Variants in RABEP1 observed in about 807,000 individuals in gnomAD.
RABEP1 encodes rabaptin, RAB GTPase binding effector protein 1, also known as rab GTPase-binding effector protein 1.
RABEP1 carries 51 observed loss-of-function variants against 123.4 expected under a neutral mutation model. The observed-to-expected ratio is 0.41, with a 90% confidence interval of 0.33 to 0.52. RABEP1 has a LOEUF of 0.52. Ranked by LOEUF, RABEP1 falls within the 20% of genes least tolerant of loss-of-function variation. RABEP1 has a pLI of 0.16. For missense variants in RABEP1, 888 were observed against 996.3 expected (o/e 0.89, Z 1.46); for synonymous variants, 347 against 355.2 (o/e 0.98, Z 0.26).
At chr17:5,292,633 C>T (rs1327855527) in intron 1 of RABEP1, among the ~76,000 whole-genome samples, 3 of 152,166 alleles carry the variant, frequency 2.0e-5, no homozygotes, top group Non-Finnish European at 4.4e-5. Context: ...ATCCACCCAC[C>T]TTGGCCTCCC....
intron 17 of RABEP1, among the ~76,000 whole-genome samples, chr17:5,382,248 A>AT (rs1428095187): frequency 1.3e-5 from 2 of 151,164 alleles, no homozygotes; most frequent in Non-Finnish European, 2.9e-5. Context: ...AGCCCAGCTA[A>AT]TTTTTGTATT....
intron 8 of RABEP1, among the ~76,000 whole-genome samples, chr17:5,357,186 T>G (rs566685076): frequency 1.3e-5 from 2 of 152,112 alleles, no homozygotes; most frequent in Admixed American, 6.5e-5. Flanking sequence ...CTATTTGCAC[T>G]TTTAAAACAT....
intron 11 of RABEP1, among the ~76,000 whole-genome samples, chr17:5,366,707 A>C (rs1684758705): frequency 6.6e-6 from 1 of 151,762 alleles, no homozygotes; most frequent in South Asian, 2.1e-4. Flanking sequence ...CGGCCTCCCA[A>C]AGTGCTAGGT....
intron 2 of RABEP1, among the ~76,000 whole-genome samples, chr17:5,313,785 A>T (rs969546450): frequency 2.0e-5 from 3 of 152,230 alleles, no homozygotes; most frequent in Admixed American, 2.0e-4. Context: ...TTCAAAAAAA[A>T]TACTGTGATC....
chr17:5,327,718 C>A (rs79618419), intron 2 of RABEP1, among the ~76,000 whole-genome samples: 1 of 152,170 alleles, frequency 6.6e-6, no homozygotes, highest in East Asian at 1.9e-4. Flanking sequence ...TGATCATTAC[C>A]TTTTTGTTAA....
At chr17:5,350,373 C>G in intron 6 of RABEP1, 78 bp from the exon 7 acceptor site, 5 of 1,475,726 alleles carry the variant, frequency 3.4e-6, no homozygotes, top group Non-Finnish European at 4.6e-6. Flanking sequence ...GAGCGAGACT[C>G]CATCTCAAAA....
intron 11 of RABEP1, among the ~76,000 whole-genome samples, chr17:5,367,945 T>C (rs1199300998): frequency 1.3e-5 from 2 of 150,722 alleles, no homozygotes; most frequent in African/African-American, 2.4e-5. Flanking sequence ...TTAGTAGAGA[T>C]GGGGTTTTAC....
Position 5,381,453 on chromosome 17 carries a change from A to G in RABEP1, c.2435A>G (p.Asp812Gly). Reference protein sequence around the residue: ...NKAQRLQTELDVSEQVQRDFV... With the variant: ...NKAQRLQTELGVSEQVQRDFV... ...GCTCAGAGATTACAGACAGAATTAG[A>G]TGTCAGTGAGCAAGTCCAGAGGGAT... Residue 812 changes from aspartate (D) to glycine (G), a missense_variant, in exon 17 of 18, where the codon GAT becomes GGT. Physicochemically the swap from Asp to Gly is moderately conservative, Grantham distance 94 (BLOSUM62 -1). Coordinates refer to ENST00000537505, the MANE Select transcript of RABEP1 (RefSeq NM_004703.6). The G allele has an allele frequency of 1.9e-6, 3 of 1,613,716 alleles. No individual in the cohort carries two copies. Among genetic ancestry groups the G allele is most frequent in the Non-Finnish European group, 2.5e-6 (3 of 1,179,760 alleles).
intron 2 of RABEP1, among the ~76,000 whole-genome samples, chr17:5,316,256 G>C (rs1397842321): frequency 6.6e-6 from 1 of 151,892 alleles, no homozygotes; most frequent in Non-Finnish European, 1.5e-5. Flanking sequence ...TTTGAGAACA[G>C]CCTGGGAAAC....
At chr17:5,372,502 T>A (rs1910601106) in intron 12 of RABEP1, among the ~76,000 whole-genome samples, 1 of 152,222 alleles carries the variant, frequency 6.6e-6, no homozygotes, top group Non-Finnish European at 1.5e-5. Context: ...TGAGCTTAGA[T>A]GCTCTTGATG....
At chr17:5,339,072 A>T (rs1326551601) in intron 5 of RABEP1, among the ~76,000 whole-genome samples, 1 of 152,100 alleles carries the variant, frequency 6.6e-6, no homozygotes, top group African/African-American at 2.4e-5. Context: ...TGGGAGGATT[A>T]CTTCAGCCCG....
At chr17:5,284,658 G>A (rs948610708) in intron 1 of RABEP1, among the ~76,000 whole-genome samples, 1 of 151,936 alleles carries the variant, frequency 6.6e-6, no homozygotes, top group Non-Finnish European at 1.5e-5. Context: ...TAGATACGGC[G>A]TTTTGCCATG....
chr17:5,338,139 G>T lies in RABEP1; in HGVS notation c.648+1G>T. ...AATTAAAGAGCTGGAGGCCTCAAAG[G>T]TTATGAAACATTGTAATCCATTTGC... On this transcript the variant is annotated splice_donor_variant, in intron 5 of 17. Transcript: ENST00000537505. LOFTEE classifies it high-confidence loss of function. The T allele has an allele frequency of 6.2e-7, 1 of 1,609,938 alleles. No homozygotes were observed.
chr17:5,375,557 A>T (rs1180724545), intron 13 of RABEP1, among the ~76,000 whole-genome samples: 1 of 152,086 alleles, frequency 6.6e-6, no homozygotes, highest in African/African-American at 2.4e-5. Flanking sequence ...TTAGCCAAGG[A>T]TGGTGGCACA....
chr17:5,343,651 ATTTC>A (rs945781044), intron 5 of RABEP1, among the ~76,000 whole-genome samples: 4 of 130,784 alleles, frequency 3.1e-5, no homozygotes, highest in Non-Finnish European at 4.9e-5. Context: ...CTTCAAAAAG[ATTTC>A]TTTCTTTCTT....
chr17:5,369,411 C>T (rs566262391), intron 12 of RABEP1, among the ~76,000 whole-genome samples: 1 of 152,078 alleles, frequency 6.6e-6, no homozygotes, highest in South Asian at 2.1e-4. Flanking sequence ...TGATGCTTAC[C>T]CGGGGATGAC....
chr17:5,302,243 C>CTTTTTTTTT (rs1567869348), intron 1 of RABEP1, among the ~76,000 whole-genome samples: 12 of 21,568 alleles, frequency 5.6e-4, no homozygotes, highest in East Asian at 6.7e-3. Context: ...TTACTGAAAA[C>CTTTTTTTTT]ATTTTTTTTT....
intron 9 of RABEP1, among the ~76,000 whole-genome samples, 173 bp from the exon 10 acceptor site, chr17:5,362,739 G>C (rs1909662580): frequency 6.6e-6 from 1 of 152,178 alleles, no homozygotes; most frequent in Non-Finnish European, 1.5e-5. Flanking sequence ...TTGTACTGGA[G>C]AGTTTGATTT....
intron 8 of RABEP1, among the ~76,000 whole-genome samples, chr17:5,355,284 G>C (rs1400195191): frequency 6.6e-6 from 1 of 152,074 alleles, no homozygotes; most frequent in Admixed American, 6.6e-5. Context: ...ATTCCCACTT[G>C]GTCTGTTGGT....
Sources: allele counts gnomAD v4.1 joint callset (sites outside exome capture counted in the v4.1 genomes callset), GRCh38; gene constraint gnomAD v4.1.1; transcripts MANE v1.5; gene names NCBI Gene and HGNC (gene_info 2026-07-23, HGNC 2026-07-21).